The following SLC25A21 variants were observed in gnomAD, a reference collection of about 807,000 sequenced individuals.
SLC25A21 encodes the protein mitochondrial 2-oxodicarboxylate carrier.
A neutral mutation model predicts 43.8 loss-of-function variants in SLC25A21; 47 were observed. That is an observed-to-expected ratio of 1.07 (90% CI 0.85 to 1.37). SLC25A21 has a LOEUF of 1.37. Among genes scored for constraint, SLC25A21 ranks in the 40% most tolerant of loss-of-function variants. The pLI is 0.00. For missense variants in SLC25A21, 352 were observed against 350.2 expected (o/e 1.00, Z -0.04); for synonymous variants, 131 against 121.3 (o/e 1.08, Z -0.52).
At chr14:36,949,195 T>C (rs1253443272) in intron 1 of SLC25A21, among the ~76,000 whole-genome samples, 1 of 152,204 alleles carries the variant, frequency 6.6e-6, no homozygotes, top group Non-Finnish European at 1.5e-5. Flanking sequence ...CAATCAAAAG[T>C]ACATTCCTTT....
intron 1 of SLC25A21, among the ~76,000 whole-genome samples, chr14:37,067,552 C>T (rs548377610): frequency 1.3e-4 from 20 of 152,058 alleles, no homozygotes; most frequent in African/African-American, 4.8e-4. Context: ...GGATATACTA[C>T]AAGCGGAAGG....
At chr14:36,691,309 G>T (rs1882785509) in intron 7 of SLC25A21, among the ~76,000 whole-genome samples, 2 of 152,138 alleles carry the variant, frequency 1.3e-5, no homozygotes, top group Non-Finnish European at 2.9e-5. Context: ...AGAATCACAA[G>T]ACTAGGAGTG....
chr14:37,108,863 T>C (rs1298878029), intron 1 of SLC25A21, among the ~76,000 whole-genome samples: 3 of 152,042 alleles, frequency 2.0e-5, no homozygotes, highest in African/African-American at 4.8e-5. Flanking sequence ...TATCTTCTTG[T>C]ACCTTTCCTC....
At chr14:36,983,838 A>G (rs1331107115) in intron 1 of SLC25A21, among the ~76,000 whole-genome samples, 2 of 152,178 alleles carry the variant, frequency 1.3e-5, no homozygotes, top group African/African-American at 2.4e-5. Flanking sequence ...TATCCTTTGC[A>G]GTAACATGGA....
intron 1 of SLC25A21, among the ~76,000 whole-genome samples, chr14:37,025,827 C>T (rs1566824448): frequency 6.6e-6 from 1 of 152,010 alleles, no homozygotes; most frequent in Non-Finnish European, 1.5e-5. Context: ...TTTAGCAACG[C>T]CTGTTCAGGA....
chr14:36,965,337 G>T (rs557450511), intron 1 of SLC25A21, among the ~76,000 whole-genome samples: 1 of 152,092 alleles, frequency 6.6e-6, no homozygotes, highest in South Asian at 2.1e-4. Flanking sequence ...TAAAGTCTTG[G>T]TTTATGTTTT....
At chr14:36,732,073 C>T (rs1252401301) in intron 4 of SLC25A21, among the ~76,000 whole-genome samples, 1 of 152,138 alleles carries the variant, frequency 6.6e-6, no homozygotes, top group African/African-American at 2.4e-5. Context: ...TACTCTATCT[C>T]CACCAGGAGT....
chr14:36,762,989 G>A (rs921910611), intron 3 of SLC25A21, among the ~76,000 whole-genome samples: 1 of 152,130 alleles, frequency 6.6e-6, no homozygotes. Context: ...GGATACATGA[G>A]CTTACAACTA....
intron 1 of SLC25A21, among the ~76,000 whole-genome samples, chr14:37,054,844 T>C (rs1294152344): frequency 6.6e-6 from 1 of 152,226 alleles, no homozygotes; most frequent in African/African-American, 2.4e-5. Flanking sequence ...AAATTATGAA[T>C]GGCTTTGGAG....
chr14:36,994,303 G>A (rs1051710456), intron 1 of SLC25A21, among the ~76,000 whole-genome samples: 5 of 152,080 alleles, frequency 3.3e-5, no homozygotes, highest in Admixed American at 1.3e-4. Flanking sequence ...TATTCCCTTC[G>A]GGAAGGAGGA....
intron 1 of SLC25A21, among the ~76,000 whole-genome samples, chr14:36,944,687 C>G (rs2138653946): frequency 6.6e-6 from 1 of 152,288 alleles, no homozygotes; most frequent in South Asian, 2.1e-4. Flanking sequence ...CCACAGAATT[C>G]ATATGTGCCT....
intron 1 of SLC25A21, among the ~76,000 whole-genome samples, chr14:36,989,924 G>A (rs900473252): frequency 3.3e-5 from 5 of 152,022 alleles, no homozygotes; most frequent in Non-Finnish European, 7.4e-5. Context: ...AAGAAAGAGA[G>A]ACCAAGAAAA....
chr14:37,013,810 A>T (rs965068280), intron 1 of SLC25A21, among the ~76,000 whole-genome samples: 6 of 152,006 alleles, frequency 3.9e-5, no homozygotes, highest in Non-Finnish European at 8.8e-5. Flanking sequence ...TCTGAAGTAC[A>T]GGCAAACCTC....
chr14:37,159,137 A>T, intron 1 of SLC25A21, among the ~76,000 whole-genome samples: 1 of 152,100 alleles, frequency 6.6e-6, no homozygotes, highest in Non-Finnish European at 1.5e-5. Flanking sequence ...AGAATTAATA[A>T]CAATAAAATG....
intron 7 of SLC25A21, among the ~76,000 whole-genome samples, chr14:36,689,045 A>G (rs937951583): frequency 1.3e-5 from 2 of 152,222 alleles, no homozygotes; most frequent in Admixed American, 1.3e-4. Flanking sequence ...GCTGCTGATA[A>G]AGACATACCT....
At chr14:37,108,741 G>A (rs1013236620) in intron 1 of SLC25A21, among the ~76,000 whole-genome samples, 16 of 128,358 alleles carry the variant, frequency 1.2e-4, no homozygotes, top group South Asian at 4.7e-4. Context: ...GTGTGTGTGC[G>A]TGTGTGTGTT....
chr14:36,729,358 G>A (rs918014180), intron 5 of SLC25A21, 149 bp downstream of exon 5: 17 of 574,272 alleles, frequency 3.0e-5, no homozygotes, highest in Middle Eastern at 4.6e-4. Flanking sequence ...TGAGTTATTA[G>A]GAAGATGGCT....
chr14:36,776,824 C>T (rs758978388), intron 3 of SLC25A21, among the ~76,000 whole-genome samples: 3 of 152,152 alleles, frequency 2.0e-5, no homozygotes, highest in Admixed American at 1.3e-4. Context: ...CAGCTCCCCA[C>T]CTTCACATCT....
intron 1 of SLC25A21, among the ~76,000 whole-genome samples, chr14:36,910,785 G>C (rs1337773188): frequency 6.6e-6 from 1 of 152,126 alleles, no homozygotes; most frequent in Non-Finnish European, 1.5e-5. Flanking sequence ...TCACTGAACA[G>C]CCCTGTCAAT....
Sources: allele counts gnomAD v4.1 joint callset (sites outside exome capture counted in the v4.1 genomes callset), GRCh38; gene constraint gnomAD v4.1.1; transcripts MANE v1.5; gene names NCBI Gene and HGNC (gene_info 2026-07-23, HGNC 2026-07-21).